The following CTIF variants were observed in gnomAD, a reference collection of about 807,000 sequenced individuals.
CTIF encodes the protein CBP80/20-dependent translation initiation factor.
In CTIF, 21 loss-of-function variants were observed where a neutral mutation model predicts 66.0. That is an observed-to-expected ratio of 0.32 (90% CI 0.23 to 0.46). The LOEUF (loss-of-function observed/expected upper bound fraction) is 0.46, where lower values mean the gene tolerates loss of function less well. Ranked by LOEUF, CTIF falls within the 20% of genes least tolerant of loss-of-function variation. The probability of loss-of-function intolerance (pLI) is 1.00; values close to 1 mark genes in which losing one functional copy is unlikely to be tolerated. For missense variants in CTIF, 739 were observed against 812.7 expected, an observed-to-expected ratio of 0.91 and a Z score of 1.10; for synonymous variants, 345 against 326.4, an observed-to-expected ratio of 1.06 and a Z score of -0.62.
intron 1 of CTIF, among the ~76,000 whole-genome samples, chr18:48,542,633 T>C (rs1271946519): frequency 1.3e-5 from 2 of 152,198 alleles, no homozygotes; most frequent in African/African-American, 4.8e-5. Context: ...TAAGTTGCAA[T>C]GCAATAACAC....
intron 6 of CTIF, among the ~76,000 whole-genome samples, chr18:48,709,731 G>T (rs889557268): frequency 1.3e-5 from 2 of 152,240 alleles, no homozygotes; most frequent in Admixed American, 6.5e-5. Context: ...GGAAGACTTG[G>T]TGTTTTTCCT....
At chr18:48,590,162 G>A (rs1445390729) in intron 1 of CTIF, among the ~76,000 whole-genome samples, 1 of 152,232 alleles carries the variant, frequency 6.6e-6, no homozygotes, top group East Asian at 1.9e-4. Context: ...GGAAGTTTGG[G>A]ACCCAAGCCT....
At chr18:48,586,029 T>C (rs2089759640) in intron 1 of CTIF, among the ~76,000 whole-genome samples, 1 of 152,178 alleles carries the variant, frequency 6.6e-6, no homozygotes, top group South Asian at 2.1e-4. Flanking sequence ...GAGCTAAATA[T>C]GCGATGAGGA....
intron 1 of CTIF, among the ~76,000 whole-genome samples, chr18:48,546,683 C>T (rs1047285017): frequency 6.6e-6 from 1 of 151,836 alleles, no homozygotes; most frequent in African/African-American, 2.4e-5. Flanking sequence ...GGGTTTGAGT[C>T]GTGACTGCAT....
At chr18:48,665,870 A>G (rs912662893) in intron 5 of CTIF, among the ~76,000 whole-genome samples, 1 of 152,178 alleles carries the variant, frequency 6.6e-6, no homozygotes, top group African/African-American at 2.4e-5. Context: ...TTACCCATGC[A>G]TCTATCAATC....
chr18:48,744,742 C>T (rs117935729), intron 7 of CTIF, among the ~76,000 whole-genome samples: 3,180 of 152,110 alleles, frequency 0.021, 42 homozygotes, highest in Middle Eastern at 0.066. Context: ...ATTTCTCCAG[C>T]GATCGATCCT....
At chr18:48,648,468 A>AACACACACACACAC (rs150332855) in intron 3 of CTIF, among the ~76,000 whole-genome samples, 20 of 148,574 alleles carry the variant, frequency 1.3e-4, no homozygotes, top group South Asian at 6.5e-4. Flanking sequence ...CTTCGTTCTG[A>AACACACACACACAC]ACACACACAC....
Position 48,803,591 on chromosome 18 carries a change from G to C in CTIF, c.1372-13630G>C, listed in dbSNP as rs763890273. ...TGCAGGGGGCAGCTGTTATTTCTGC[G>C]TGTGGTCCAGGGATCTGTCACTGAG... On this transcript the variant is annotated intron_variant, in intron 9 of 11. Coordinates refer to ENST00000256413, the MANE Select transcript of CTIF (RefSeq NM_014772.3). 5.9e-5 allele frequency among the ~76,000 whole-genome samples: 9 copies of C among 152,190 alleles called. No homozygotes were observed. In the South Asian group the frequency reaches 8.3e-4, roughly 14 times the overall value.
chr18:48,774,303 C>T (rs1447430549), intron 9 of CTIF, among the ~76,000 whole-genome samples: 1 of 152,162 alleles, frequency 6.6e-6, no homozygotes, highest in Non-Finnish European at 1.5e-5. Context: ...AGGGAGTCTG[C>T]GTCATGCTGG....
chr18:48,720,438 C>A (rs149108805), intron 7 of CTIF, among the ~76,000 whole-genome samples: 1 of 152,126 alleles, frequency 6.6e-6, no homozygotes, highest in East Asian at 1.9e-4. Context: ...AGCCCAGGGA[C>A]CGCGAGACAG....
chr18:48,689,015 G>A (rs528854943), intron 6 of CTIF, among the ~76,000 whole-genome samples: 5 of 152,354 alleles, frequency 3.3e-5, no homozygotes, highest in Admixed American at 3.3e-4. Flanking sequence ...CCTCAGCCCC[G>A]CCATGCCGGG....
At chr18:48,580,680 T>A (rs560673970) in intron 1 of CTIF, among the ~76,000 whole-genome samples, 2 of 152,366 alleles carry the variant, frequency 1.3e-5, no homozygotes, top group East Asian at 3.9e-4. Flanking sequence ...GTCATTCCCC[T>A]GTTTACCGGA....
intron 10 of CTIF, among the ~76,000 whole-genome samples, chr18:48,829,353 AG>A (rs950971101): frequency 1.3e-5 from 2 of 152,160 alleles, no homozygotes; most frequent in Non-Finnish European, 2.9e-5. Context: ...TTCTGAGTGC[AG>A]GTCTGGTTGG....
At chr18:48,619,312 T>G (rs1209033690) in intron 1 of CTIF, among the ~76,000 whole-genome samples, 1 of 152,226 alleles carries the variant, frequency 6.6e-6, no homozygotes. Context: ...ACAAGTGGCC[T>G]GCATTCCCTG....
In CTIF at chr18:48,844,504, C is replaced by T. The variant is rs75662391; in HGVS notation, c.1528-13084C>T. On this transcript the variant is annotated intron_variant, in intron 10 of 11. Coordinates refer to ENST00000256413, the MANE Select transcript of CTIF (RefSeq NM_014772.3). ...TGACATCCACTGTCGCTACTTTGTA[C>T]GGGGTGGTTTGCAAGCCCGGCAGGA... 3.9e-3 allele frequency among the ~76,000 whole-genome samples: 587 copies of T among 152,314 alleles called. 2 individuals are homozygous for T. Among genetic ancestry groups the T allele is most frequent in the African/African-American group, 0.013 (546 of 41,568 alleles).
intron 9 of CTIF, among the ~76,000 whole-genome samples, chr18:48,797,975 G>GCTC (rs2067965480): frequency 6.6e-6 from 1 of 152,178 alleles, no homozygotes; most frequent in African/African-American, 2.4e-5. Context: ...AGGCCTCTCT[G>GCTC]CTCCTCTGAC....
At chr18:48,733,037 T>G (rs1429806895) in intron 7 of CTIF, among the ~76,000 whole-genome samples, 1 of 152,186 alleles carries the variant, frequency 6.6e-6, no homozygotes, top group Non-Finnish European at 1.5e-5. Context: ...GAGCGTTATT[T>G]TGAGAGGCAT....
At chr18:48,841,491 A>G (rs925852344) in intron 10 of CTIF, among the ~76,000 whole-genome samples, 3 of 152,222 alleles carry the variant, frequency 2.0e-5, no homozygotes, top group Non-Finnish European at 2.9e-5. Flanking sequence ...AAGCTTACCC[A>G]GAGGAGGAAA....
At chr18:48,670,825 A>C in intron 6 of CTIF, 81 bp downstream of exon 6, 5 of 1,227,350 alleles carry the variant, frequency 4.1e-6, no homozygotes, top group Non-Finnish European at 6.0e-6. Context: ...ACCTAACCAA[A>C]GCACTCCTTC....
Sources: gnomAD v4.1 joint callset for allele counts (sites outside exome capture counted in the v4.1 genomes callset) on GRCh38, gnomAD v4.1.1 for gene constraint, MANE v1.5 for transcripts, NCBI Gene and HGNC (gene_info 2026-07-23, HGNC 2026-07-21) for gene names.